The following PAX7 variants were observed in gnomAD, a reference collection of about 807,000 sequenced individuals.
PAX7 encodes paired box 7.
A neutral mutation model predicts 50.7 loss-of-function variants in PAX7; 18 were observed. The ratio of observed to expected loss-of-function variants is 0.36; its 90% CI spans 0.25 to 0.53. The LOEUF is 0.53. Among genes scored for constraint, PAX7 ranks in the 20% least tolerant of loss-of-function variants. The pLI, the probability that PAX7 is intolerant of heterozygous loss-of-function variation, is 0.93. For synonymous variants in PAX7, 310 were observed against 290.4 expected (o/e 1.07, Z -0.69); for missense variants, 644 against 702.9 (o/e 0.92, Z 0.95).
intron 4 of PAX7, among the ~76,000 whole-genome samples, chr1:18,667,413 A>T (rs913708954): frequency 6.7e-6 from 1 of 149,718 alleles, no homozygotes; most frequent in Non-Finnish European, 1.5e-5. Context: ...GAAGGAAGGA[A>T]GGAAGGAAGG....
chr1:18,635,804 TTGTGTG>T (rs1025305717), intron 3 of PAX7, among the ~76,000 whole-genome samples: 4 of 150,296 alleles, frequency 2.7e-5, no homozygotes, highest in Non-Finnish European at 5.9e-5. Flanking sequence ...AAGTGATCTG[TTGTGTG>T]TGTGTGTGTA....
chr1:18,663,086 G>T (rs766398550), intron 4 of PAX7, among the ~76,000 whole-genome samples: 3 of 152,166 alleles, frequency 2.0e-5, no homozygotes, highest in Non-Finnish European at 4.4e-5. Flanking sequence ...TGACAAAGTG[G>T]GATTGTGCAA....
intron 4 of PAX7, among the ~76,000 whole-genome samples, chr1:18,673,508 C>T (rs1448659359): frequency 6.6e-6 from 1 of 152,210 alleles, no homozygotes; most frequent in Non-Finnish European, 1.5e-5. Context: ...TGGTTGGCCA[C>T]ATTTTTGGAA....
intron 4 of PAX7, among the ~76,000 whole-genome samples, chr1:18,674,680 C>T (rs931964920): frequency 6.6e-6 from 1 of 152,224 alleles, no homozygotes; most frequent in Admixed American, 6.5e-5. Flanking sequence ...TAGGGCATGG[C>T]ACCGCTGTCT....
intron 7 of PAX7, among the ~76,000 whole-genome samples, chr1:18,709,108 C>T (rs1171529260): frequency 2.6e-5 from 4 of 152,112 alleles, no homozygotes; most frequent in South Asian, 4.2e-4. Flanking sequence ...TTCCTCATCT[C>T]CCAACCTTTT....
At chr1:18,658,732 G>T (rs180885716) in intron 4 of PAX7, among the ~76,000 whole-genome samples, 23 of 152,366 alleles carry the variant, frequency 1.5e-4, no homozygotes, top group African/African-American at 4.3e-4. Context: ...TGCAAGGAAG[G>T]TTTGCTGGTA....
At chr1:18,669,249 T>C (rs1377458733) in intron 4 of PAX7, among the ~76,000 whole-genome samples, 1 of 152,184 alleles carries the variant, frequency 6.6e-6, no homozygotes, top group African/African-American at 2.4e-5. Context: ...CCTCAGTCTC[T>C]AAAGCTATAT....
intron 6 of PAX7, 89 bp from the exon 7 acceptor site, chr1:18,703,005 A>C: frequency 8.6e-7 from 1 of 1,164,178 alleles, no homozygotes; most frequent in Non-Finnish European, 1.3e-6. Flanking sequence ...GACCGGGAGG[A>C]GGAGTCTCTT....
At chr1:18,719,216 T>C (rs1362295274) in intron 7 of PAX7, among the ~76,000 whole-genome samples, 1 of 152,186 alleles carries the variant, frequency 6.6e-6, no homozygotes, top group African/African-American at 2.4e-5. Flanking sequence ...ATGCTTCTGC[T>C]CCCAGTGGCT....
chr1:18,717,724 C>G (rs2100360931), intron 7 of PAX7, among the ~76,000 whole-genome samples: 1 of 152,348 alleles, frequency 6.6e-6, no homozygotes, highest in Admixed American at 6.5e-5. Context: ...CAATAAACAG[C>G]TGCAAACATG....
chr1:18,715,473 T>G (rs995899620), intron 7 of PAX7, among the ~76,000 whole-genome samples: 14 of 152,178 alleles, frequency 9.2e-5, no homozygotes, highest in African/African-American at 3.4e-4. Context: ...TAACATCCCC[T>G]TGGAGGAAGT....
intron 7 of PAX7, among the ~76,000 whole-genome samples, chr1:18,725,979 A>AGTGT (rs112228737): frequency 0.043 from 6,299 of 145,572 alleles, 361 homozygotes; most frequent in East Asian, 0.2. Flanking sequence ...ACATTGGAAG[A>AGTGT]GTGTGTGTGT....
intron 4 of PAX7, among the ~76,000 whole-genome samples, chr1:18,683,594 C>T (rs2088929863): frequency 6.6e-6 from 1 of 152,192 alleles, no homozygotes; most frequent in African/African-American, 2.4e-5. Flanking sequence ...AATCCCAGCA[C>T]TGTGGGAGGC....
chr1:18,719,132 C>T (rs1217613275), intron 7 of PAX7, among the ~76,000 whole-genome samples: 1 of 152,230 alleles, frequency 6.6e-6, no homozygotes, highest in Non-Finnish European at 1.5e-5. Context: ...GTTAGCAGGG[C>T]TTTTGAGGGC....
chr1:18,635,090 C>A, intron 2 of PAX7, 21 bp from the exon 3 acceptor site: 1 of 1,612,760 alleles, frequency 6.2e-7, no homozygotes, highest in Non-Finnish European at 8.5e-7. Flanking sequence ...CACTCCTACT[C>A]TCCCACCTCC....
At chr1:18,694,650 G>A (rs2089128029) in intron 5 of PAX7, among the ~76,000 whole-genome samples, 1 of 152,108 alleles carries the variant, frequency 6.6e-6, no homozygotes, top group Admixed American at 6.5e-5. Context: ...AGGTCTCCAG[G>A]AAAGAGCTCA....
chr1:18,633,454 C>T (rs2088091614), intron 1 of PAX7, among the ~76,000 whole-genome samples: 1 of 152,222 alleles, frequency 6.6e-6, no homozygotes, highest in African/African-American at 2.4e-5. Flanking sequence ...CCCAAAGTCA[C>T]CCCCACCCGG....
chr1:18,647,475 C>T (rs2088363629), intron 4 of PAX7, among the ~76,000 whole-genome samples: 1 of 138,072 alleles, frequency 7.2e-6, no homozygotes, highest in African/African-American at 2.7e-5. Context: ...AGAGGAGATG[C>T]CTGAATTGGG....
rs115779919 is a variant in PAX7 at position 18,659,955 on chromosome 1, G to A, written c.586+23584G>A. Among the ~76,000 whole-genome samples, 406 of 152,306 alleles carry A rather than the reference G, an allele frequency of 2.7e-3. 5 individuals are homozygous for A. The highest frequency in any genetic ancestry group is 8.8e-3 in the African/African-American group (367 of 41,556). ...GCAAAAGAATTGGGAAAAGCCCAGC[G>A]GGCCATGTGCTCGAGGACCTTACCC... On this transcript the variant is annotated intron_variant, in intron 4 of 8. Transcript: ENST00000420770.
Sources: allele counts gnomAD v4.1 joint callset (sites outside exome capture counted in the v4.1 genomes callset), GRCh38; gene constraint gnomAD v4.1.1; transcripts MANE v1.5; gene names NCBI Gene and HGNC (gene_info 2026-07-23, HGNC 2026-07-21).